RORA: variants seen among roughly 807,000 people sequenced by gnomAD.
The protein encoded by RORA is nuclear receptor ROR-alpha.
In RORA, 7 loss-of-function variants were observed where a neutral mutation model predicts 69.5. That is an observed-to-expected ratio of 0.10 (90% CI 0.06 to 0.19). The LOEUF (loss-of-function observed/expected upper bound fraction) is 0.19, where lower values mean the gene tolerates loss of function less well. RORA is among the 10% of genes least tolerant of loss of function. The pLI is 1.00. For missense variants in RORA, 457 were observed against 663.0 expected (o/e 0.69, Z 3.41); for synonymous variants, 261 against 240.8 (o/e 1.08, Z -0.78).
chr15:60,862,082 G>T (rs2140426023), intron 1 of RORA, among the ~76,000 whole-genome samples: 1 of 152,282 alleles, frequency 6.6e-6, no homozygotes, highest in South Asian at 2.1e-4. Context: ...CACATCTAAG[G>T]CAACTAGTTC....
rs545557473 is a variant in RORA, at chr15:60,966,229, C to A, written c.166+262824G>T. Among the ~76,000 whole-genome samples the A allele has an allele frequency of 9.2e-5, 14 of 152,320 alleles. No individual in the cohort carries two copies. The East Asian group carries it at 1.2e-3, about 13-fold the overall frequency. On this transcript the variant is annotated intron_variant, in intron 1 of 10. Coordinates refer to ENST00000335670, the MANE Select transcript of RORA (RefSeq NM_134261.3). Reference sequence around the variant, plus strand: ...GGATTAGCACCTACCCTAGTCACTTCTTTTCACTTAATTACCTCTTTAAAG... The same window carrying A: ...GGATTAGCACCTACCCTAGTCACTTATTTTCACTTAATTACCTCTTTAAAG...
chr15:60,668,663 G>C (rs1220471361), intron 2 of RORA, among the ~76,000 whole-genome samples: 1 of 152,092 alleles, frequency 6.6e-6, no homozygotes, highest in South Asian at 2.1e-4. Context: ...TTATCCCGAC[G>C]CCCCAACCTG....
chr15:60,961,387 A>G lies in RORA; in HGVS notation c.166+267666T>C, dbSNP rs144462682. Reference sequence around the variant, plus strand: ...GCATTGCTCCAGCCTCAATCTTCCCACCTGAGATACAGGTACACCTGGTCC... The same window carrying G: ...GCATTGCTCCAGCCTCAATCTTCCCGCCTGAGATACAGGTACACCTGGTCC... On this transcript the variant is annotated intron_variant, in intron 1 of 10. Coordinates refer to ENST00000335670, the MANE Select transcript of RORA (RefSeq NM_134261.3). Among the ~76,000 whole-genome samples, 730 of 152,212 alleles carry G rather than the reference A, an allele frequency of 4.8e-3. 13 individuals carry two copies. The highest frequency in any genetic ancestry group is 0.017 in the African/African-American group (690 of 41,534).
chr15:61,174,590 T>A (rs2079612076), intron 1 of RORA, among the ~76,000 whole-genome samples: 1 of 152,212 alleles, frequency 6.6e-6, no homozygotes, highest in Non-Finnish European at 1.5e-5. Flanking sequence ...CTTCCTGTCA[T>A]AAATTCTGAC....
At chr15:60,954,839 C>A (rs937473266) in intron 1 of RORA, among the ~76,000 whole-genome samples, 9 of 152,178 alleles carry the variant, frequency 5.9e-5, no homozygotes, top group Admixed American at 1.3e-4. Flanking sequence ...ACATTCTGGG[C>A]AGATGGTGAG....
chr15:60,869,375 G>C (rs953834066), intron 1 of RORA, among the ~76,000 whole-genome samples: 1 of 152,164 alleles, frequency 6.6e-6, no homozygotes, highest in Non-Finnish European at 1.5e-5. Flanking sequence ...GACTATAGGT[G>C]TCACCCAGGA....
chr15:60,530,973 G>A (rs1247087180), intron 3 of RORA: 1 of 152,124 alleles, frequency 6.6e-6, no homozygotes, highest in African/African-American at 2.4e-5. Flanking sequence ...TTGAATAACA[G>A]AGGTAATCTG....
intron 3 of RORA, among the ~76,000 whole-genome samples, chr15:60,519,580 G>A (rs895552249): frequency 6.6e-6 from 1 of 152,166 alleles, no homozygotes; most frequent in Non-Finnish European, 1.5e-5. Flanking sequence ...AACAAGTTAT[G>A]CAGAATAAAG....
intron 1 of RORA, among the ~76,000 whole-genome samples, chr15:60,971,743 G>A (rs1031293860): frequency 1.3e-5 from 2 of 152,234 alleles, no homozygotes; most frequent in Non-Finnish European, 2.9e-5. Flanking sequence ...CCCTGCGGAG[G>A]TGTTCACTAA....
intron 2 of RORA, among the ~76,000 whole-genome samples, chr15:60,597,615 TATACATACATATATATAC>T (rs59621060): frequency 0.013 from 616 of 47,366 alleles, 51 homozygotes; most frequent in East Asian, 0.021. Flanking sequence ...TATATATATA[TATACATACATATATATAC>T]ATATATATAT....
chr15:60,838,887 C>CACAT (rs1491310376), intron 1 of RORA, among the ~76,000 whole-genome samples: 2 of 42,066 alleles, frequency 4.8e-5, no homozygotes, highest in African/African-American at 9.5e-5. Flanking sequence ...CACACACACA[C>CACAT]ATATACTTTT....
intron 2 of RORA, chr15:60,557,029 G>T: frequency 1.1e-6 from 1 of 936,938 alleles, no homozygotes; most frequent in East Asian, 2.5e-5. Context: ...ACAGCAATAA[G>T]TACCCAAAAA....
intron 1 of RORA, among the ~76,000 whole-genome samples, chr15:60,887,669 G>A (rs2073766483): frequency 6.6e-6 from 1 of 152,134 alleles, no homozygotes; most frequent in Admixed American, 6.6e-5. Context: ...TGGAGGGAAG[G>A]GGTTTTTAAA....
rs2066650788 is a variant in RORA, at chr15:60,535,602, T to A, written c.197-3751A>T. On this transcript the variant is annotated intron_variant, in intron 2 of 10. Transcript: ENST00000335670. ...TTTAATTATAAAAGGAACAAGAACT[T>A]GGGCACTAGCATTCTTAAGATGACA... Among the ~76,000 whole-genome samples, 9 of 152,258 alleles carry A rather than the reference T, an allele frequency of 5.9e-5. 1 individual carries two copies. In the South Asian group the frequency reaches 1.9e-3, roughly 32 times the overall value.
chr15:61,143,601 G>A (rs1184126020), intron 1 of RORA, among the ~76,000 whole-genome samples: 1 of 152,164 alleles, frequency 6.6e-6, no homozygotes, highest in Non-Finnish European at 1.5e-5. Context: ...GGAAAAAATA[G>A]TTCAGAAATA....
intron 1 of RORA, among the ~76,000 whole-genome samples, chr15:60,781,383 G>C (rs1385640326): frequency 1.3e-5 from 2 of 152,138 alleles, no homozygotes; most frequent in Admixed American, 6.5e-5. Context: ...CAGAGTCCTC[G>C]TGCTGGGGCT....
chr15:61,105,353 T>A (rs1347554499), intron 1 of RORA, among the ~76,000 whole-genome samples: 1 of 152,204 alleles, frequency 6.6e-6, no homozygotes, highest in East Asian at 1.9e-4. Context: ...TGATATATAC[T>A]CACTAAGTGT....
At chr15:60,541,558 A>C (rs2066873034) in intron 2 of RORA, among the ~76,000 whole-genome samples, 1 of 152,220 alleles carries the variant, frequency 6.6e-6, no homozygotes, top group South Asian at 2.1e-4. Flanking sequence ...CCCAAGGGGA[A>C]GTGGCAGGAG....
At chr15:60,988,726 A>C (rs1376182205) in intron 1 of RORA, among the ~76,000 whole-genome samples, 2 of 152,194 alleles carry the variant, frequency 1.3e-5, no homozygotes, top group Non-Finnish European at 2.9e-5. Context: ...CACCTGAAAC[A>C]TTCTCAATAA....
Sources: allele counts gnomAD v4.1 joint callset (sites outside exome capture counted in the v4.1 genomes callset), GRCh38; gene constraint gnomAD v4.1.1; transcripts MANE v1.5; gene names NCBI Gene and HGNC (gene_info 2026-07-23, HGNC 2026-07-21).